The following STX8 variants were observed in gnomAD, a reference collection of about 807,000 sequenced individuals.
STX8 encodes the protein syntaxin 8.
A neutral mutation model predicts 37.5 loss-of-function variants in STX8; 23 were observed. That is an observed-to-expected ratio of 0.61 (90% CI 0.44 to 0.87). STX8 has a LOEUF of 0.87. Among genes scored for constraint, STX8 ranks in the 40% least tolerant of loss-of-function variants. The pLI is 0.00. For synonymous variants in STX8, 115 were observed against 99.1 expected (o/e 1.16, Z -0.95); for missense variants, 313 against 284.7 (o/e 1.10, Z -0.71).
chr17:9,425,048 C>G (rs1196466000), intron 6 of STX8, among the ~76,000 whole-genome samples: 1 of 152,176 alleles, frequency 6.6e-6, no homozygotes, highest in Non-Finnish European at 1.5e-5. Context: ...GTGGCTGATA[C>G]TGATGAATGA....
chr17:9,359,538 T>C (rs1438469162), intron 7 of STX8, among the ~76,000 whole-genome samples: 1 of 142,820 alleles, frequency 7.0e-6, no homozygotes, highest in Non-Finnish European at 1.5e-5. Flanking sequence ...GACAGAGTCT[T>C]GCTCTGTCGC....
chr17:9,380,443 C>T (rs1911757394), intron 6 of STX8, among the ~76,000 whole-genome samples: 5 of 151,652 alleles, frequency 3.3e-5, no homozygotes, highest in Admixed American at 3.3e-4. Context: ...TTGTAGAGAC[C>T]AGGCCCTGCT....
chr17:9,504,459 G>A (rs1376000140), intron 5 of STX8, among the ~76,000 whole-genome samples: 1 of 152,018 alleles, frequency 6.6e-6, no homozygotes, highest in Non-Finnish European at 1.5e-5. Context: ...CAGTCGTGAA[G>A]CTAAAGTAAA....
intron 4 of STX8, among the ~76,000 whole-genome samples, chr17:9,535,504 C>T (rs977966090): frequency 3.9e-5 from 5 of 129,042 alleles, no homozygotes; most frequent in Non-Finnish European, 7.8e-5. Flanking sequence ...GCAATCTCGG[C>T]TCACTGCAAG....
intron 3 of STX8, among the ~76,000 whole-genome samples, chr17:9,549,794 T>C (rs560107174): frequency 1.3e-5 from 2 of 152,066 alleles, no homozygotes; most frequent in South Asian, 4.2e-4. Flanking sequence ...TATGTAAGGG[T>C]TGTTATTAGT....
intron 7 of STX8, among the ~76,000 whole-genome samples, chr17:9,278,217 G>A (rs1382406345): frequency 6.6e-6 from 1 of 152,228 alleles, no homozygotes; most frequent in Non-Finnish European, 1.5e-5. Flanking sequence ...GGAGGCCGAG[G>A]CAGGTGGATC....
chr17:9,493,835 G>A (rs1010125112), intron 5 of STX8, among the ~76,000 whole-genome samples: 2 of 152,084 alleles, frequency 1.3e-5, no homozygotes, highest in Non-Finnish European at 2.9e-5. Context: ...GACCCATAGT[G>A]ATATACTTAT....
At chr17:9,428,913 A>T (rs1913741909) in intron 6 of STX8, among the ~76,000 whole-genome samples, 1 of 152,208 alleles carries the variant, frequency 6.6e-6, no homozygotes, top group Non-Finnish European at 1.5e-5. Flanking sequence ...CTCTGTTGAT[A>T]GCAAAGTGTC....
At chr17:9,354,511 G>A (rs1334773133) in intron 7 of STX8, among the ~76,000 whole-genome samples, 5 of 151,604 alleles carry the variant, frequency 3.3e-5, no homozygotes, top group Admixed American at 1.3e-4. Flanking sequence ...TAGTAGAGAC[G>A]GGGTTTCACC....
intron 2 of STX8, among the ~76,000 whole-genome samples, chr17:9,560,423 A>C (rs1907185429): frequency 6.6e-6 from 1 of 150,588 alleles, no homozygotes; most frequent in African/African-American, 2.4e-5. Context: ...AAACGGTAGA[A>C]GAATTCAATA....
At chr17:9,411,674 C>G (rs1183775468) in intron 6 of STX8, among the ~76,000 whole-genome samples, 1 of 152,166 alleles carries the variant, frequency 6.6e-6, no homozygotes, top group African/African-American at 2.4e-5. Context: ...GGTTCCATTT[C>G]TGTCAGGAAG....
At chr17:9,393,947 G>A (rs1912312972) in intron 6 of STX8, among the ~76,000 whole-genome samples, 1 of 152,002 alleles carries the variant, frequency 6.6e-6, no homozygotes, top group East Asian at 1.9e-4. Context: ...AAAATTCACA[G>A]AACAACAAAC....
intron 7 of STX8, among the ~76,000 whole-genome samples, chr17:9,310,900 A>G (rs929260910): frequency 3.3e-5 from 5 of 152,142 alleles, no homozygotes; most frequent in Non-Finnish European, 7.4e-5. Context: ...TACTTCACTT[A>G]TGGGAGTAGA....
At chr17:9,250,714 GTCTGCAGAGAC>G in intron 7 of STX8, 69 bp from the exon 8 acceptor site, 3 of 1,424,596 alleles carry the variant, frequency 2.1e-6, no homozygotes, top group Non-Finnish European at 2.9e-6. Context: ...CATTCTGAGT[GTCTGCAGAGAC>G]TCAGAGGGAT....
At chr17:9,349,873 C>T (rs1053187262) in intron 7 of STX8, among the ~76,000 whole-genome samples, 2 of 152,098 alleles carry the variant, frequency 1.3e-5, no homozygotes, top group African/African-American at 4.8e-5. Context: ...GCTGGAACTA[C>T]TGGCATGCAC....
intron 7 of STX8, among the ~76,000 whole-genome samples, chr17:9,289,557 T>C (rs1244599707): frequency 6.7e-6 from 1 of 150,178 alleles, no homozygotes. Flanking sequence ...GCAAGAATTA[T>C]AATAGACAAA....
chr17:9,391,862 G>A (rs1465424145), intron 6 of STX8, among the ~76,000 whole-genome samples: 1 of 152,154 alleles, frequency 6.6e-6, no homozygotes, highest in African/African-American at 2.4e-5. Flanking sequence ...CAGACTGGGA[G>A]GAGCTTAGAA....
At chr17:9,339,140 A>G (rs1039558829) in intron 7 of STX8, among the ~76,000 whole-genome samples, 3 of 152,004 alleles carry the variant, frequency 2.0e-5, no homozygotes, top group Admixed American at 6.6e-5. Context: ...ACAGTATAAG[A>G]CTACAGCATC....
intron 7 of STX8, among the ~76,000 whole-genome samples, chr17:9,334,371 T>G (rs943070917): frequency 1.3e-5 from 2 of 152,130 alleles, no homozygotes; most frequent in African/African-American, 2.4e-5. Context: ...AGAAGGAAAT[T>G]TTTTCTGGAA....
Sources: gnomAD v4.1 joint callset for allele counts (sites outside exome capture counted in the v4.1 genomes callset) on GRCh38, gnomAD v4.1.1 for gene constraint, MANE v1.5 for transcripts, NCBI Gene and HGNC (gene_info 2026-07-23, HGNC 2026-07-21) for gene names.